EIF2AK3: variants seen among roughly 807,000 people sequenced by gnomAD.
EIF2AK3 encodes eukaryotic translation initiation factor 2-alpha kinase 3.
In EIF2AK3, 50 loss-of-function variants were observed where a neutral mutation model predicts 113.5. The observed-to-expected ratio is 0.44, with a 90% CI of 0.35 to 0.56. The LOEUF (loss-of-function observed/expected upper bound fraction) is 0.56. Among genes scored for constraint, EIF2AK3 ranks in the 20% least tolerant of loss-of-function variants. EIF2AK3 has a pLI of 0.00. For missense variants in EIF2AK3, 1,185 were observed against 1,378.0 expected (o/e 0.86, Z 2.22); for synonymous variants, 448 against 495.4 (o/e 0.90, Z 1.27).
intron 14 of EIF2AK3, among the ~76,000 whole-genome samples, chr2:88,562,978 G>A (rs1674005956): frequency 6.6e-6 from 1 of 152,146 alleles, no homozygotes; most frequent in Non-Finnish European, 1.5e-5. Flanking sequence ...TCCAGCACTG[G>A]GGCTAAGTAT....
At chr2:88,602,067 G>A (rs1675165912) in intron 2 of EIF2AK3, among the ~76,000 whole-genome samples, 2 of 151,758 alleles carry the variant, frequency 1.3e-5, no homozygotes, top group South Asian at 2.1e-4. Context: ...TAGCCAGGGT[G>A]GTCTCAGTCT....
intron 12 of EIF2AK3, among the ~76,000 whole-genome samples, chr2:88,575,766 A>ATT (rs377609198): frequency 1.6e-3 from 244 of 152,340 alleles, no homozygotes; most frequent in South Asian, 7.5e-3. Context: ...ATTAACCTAA[A>ATT]AGGGCAGCGC....
chr2:88,561,910 G>A (rs1673971656), intron 15 of EIF2AK3, among the ~76,000 whole-genome samples: 1 of 152,188 alleles, frequency 6.6e-6, no homozygotes, highest in Non-Finnish European at 1.5e-5. Context: ...TGTGGTCATG[G>A]TTTATTTTGA....
chr2:88,587,934 A>C, intron 8 of EIF2AK3, 48 bp downstream of exon 8: 1 of 1,287,770 alleles, frequency 7.8e-7, no homozygotes, highest in Non-Finnish European at 1.1e-6. Context: ...AATTCTATTA[A>C]TTTCAAATTA....
intron 14 of EIF2AK3, among the ~76,000 whole-genome samples, chr2:88,566,560 CAG>C (rs1285096416): frequency 6.6e-6 from 1 of 151,914 alleles, no homozygotes; most frequent in African/African-American, 2.4e-5. Context: ...GTAGGACGTG[CAG>C]GTCTGTTACA....
chr2:88,593,163 C>G lies in EIF2AK3; in HGVS notation c.767+109G>C, dbSNP rs1462741875. 101 of 1,324,624 alleles carry G rather than the reference C, an allele frequency of 7.6e-5. No homozygotes were observed. In the East Asian group the frequency reaches 2.5e-3, roughly 32 times the overall value. The allele number at this position is 1,324,624 out of a possible 1,614,324, so 82.1% of individuals were successfully genotyped here. ...TATCAAAAAAATATATATATATATG[C>G]TTTTAAGGCAACAAAATAGTCAAAA... On this transcript the variant is annotated intron_variant, in intron 4 of 16. Transcript: ENST00000303236.
intron 2 of EIF2AK3, chr2:88,595,955 G>A (rs1196988355): frequency 1.1e-5 from 5 of 445,408 alleles, no homozygotes; most frequent in African/African-American, 9.9e-5. Context: ...TCCCATAATG[G>A]TAGGTGAGTT....
rs150369008 is a variant in EIF2AK3, at chr2:88,581,030, G to C, written c.1764-1390C>G. 2.0e-4 allele frequency among the ~76,000 whole-genome samples: 31 copies of C among 152,142 alleles called. No homozygotes were observed. In the East Asian group the frequency reaches 6.0e-3, roughly 29 times the overall value. ...AAAAACGGATTATCTTCTAAAAAGA[G>C]TAACATCTTATATGTGATTACAGAC... On this transcript the variant is annotated intron_variant, in intron 10 of 16. Transcript: ENST00000303236.
chr2:88,578,617 G>C (rs777832487), intron 11 of EIF2AK3, among the ~76,000 whole-genome samples: 6 of 151,850 alleles, frequency 4.0e-5, no homozygotes, highest in Admixed American at 6.6e-5. Context: ...GGGAGGCAAA[G>C]GTTGCAGAGA....
intron 2 of EIF2AK3, among the ~76,000 whole-genome samples, chr2:88,610,126 A>G (rs952922931): frequency 3.9e-5 from 6 of 152,114 alleles, no homozygotes; most frequent in African/African-American, 1.4e-4. Context: ...TGTCTCTAAA[A>G]GACAAAAAAC....
At chr2:88,580,546 T>A (rs6739095) in intron 10 of EIF2AK3, among the ~76,000 whole-genome samples, 106,761 of 152,100 alleles carry the variant, frequency 0.7, 38,411 homozygotes, top group African/African-American at 0.86. Context: ...CCACTGTATT[T>A]TGGGGGCCAT....
intron 1 of EIF2AK3, among the ~76,000 whole-genome samples, chr2:88,622,264 C>A (rs1418916317): frequency 6.6e-6 from 1 of 152,174 alleles, no homozygotes; most frequent in Non-Finnish European, 1.5e-5. Flanking sequence ...AAATTTATCT[C>A]CTCCCCTCAC....
At chr2:88,585,806 G>A in intron 9 of EIF2AK3, 35 bp downstream of exon 9, 1 of 1,598,578 alleles carries the variant, frequency 6.3e-7, no homozygotes, top group African/African-American at 1.3e-5. Context: ...AGGTGGGGAA[G>A]TGGAAACCAG....
chr2:88,600,510 T>A (rs929952001), intron 2 of EIF2AK3, among the ~76,000 whole-genome samples: 16 of 152,230 alleles, frequency 1.1e-4, no homozygotes, highest in African/African-American at 3.9e-4. Context: ...TTAAAAAGTC[T>A]AAATTTTTGT....
At chr2:88,609,139 A>G (rs1675369418) in intron 2 of EIF2AK3, among the ~76,000 whole-genome samples, 1 of 151,898 alleles carries the variant, frequency 6.6e-6, no homozygotes, top group Non-Finnish European at 1.5e-5. Context: ...AGCAGCACAC[A>G]CCTTGCTGAA....
At chr2:88,558,865 T>C (rs1298446777) in intron 16 of EIF2AK3, 52 bp downstream of exon 16, 11 of 1,439,064 alleles carry the variant, frequency 7.6e-6, no homozygotes, top group East Asian at 2.3e-5. Context: ...TAAGGACCGC[T>C]TACGTTCTAA....
intron 14 of EIF2AK3, among the ~76,000 whole-genome samples, chr2:88,570,056 T>G (rs1242874285): frequency 6.6e-6 from 1 of 152,186 alleles, no homozygotes; most frequent in Non-Finnish European, 1.5e-5. Context: ...TGTAATTTTT[T>G]TTTGTTTTAG....
intron 2 of EIF2AK3, among the ~76,000 whole-genome samples, chr2:88,607,542 A>G (rs1675321301): frequency 6.6e-6 from 1 of 152,202 alleles, no homozygotes; most frequent in African/African-American, 2.4e-5. Context: ...GTGTGTCCCA[A>G]GGTACACAAT....
chr2:88,581,997 A>G (rs766377171), intron 10 of EIF2AK3, among the ~76,000 whole-genome samples: 7 of 152,204 alleles, frequency 4.6e-5, no homozygotes, highest in Non-Finnish European at 1.0e-4. Flanking sequence ...GCCAGTATTT[A>G]CAGGTCCAGG....
Sources: gnomAD v4.1 joint callset for allele counts (sites outside exome capture counted in the v4.1 genomes callset) on GRCh38, gnomAD v4.1.1 for gene constraint, MANE v1.5 for transcripts, NCBI Gene and HGNC (gene_info 2026-07-23, HGNC 2026-07-21) for gene names.